PCDHGA1: variants seen among roughly 807,000 people sequenced by gnomAD.
The protein encoded by PCDHGA1 is protocadherin gamma subfamily A, 1.
A neutral mutation model predicts 58.0 loss-of-function variants in PCDHGA1; 32 were observed. That is an observed-to-expected ratio of 0.55 (90% CI 0.42 to 0.74). PCDHGA1 has a LOEUF of 0.74. Ranked by LOEUF, PCDHGA1 falls within the 30% of genes least tolerant of loss-of-function variation. The probability of loss-of-function intolerance (pLI) is 0.00; values close to 1 mark genes in which losing one functional copy is unlikely to be tolerated. For synonymous variants in PCDHGA1, 498 were observed against 501.1 expected (o/e 0.99, Z 0.08); for missense variants, 1,205 against 1,182.3 (o/e 1.02, Z -0.28).
At chr5:141,350,387 T>G in intron 1 of PCDHGA1, 1 of 1,596,080 alleles carries the variant, frequency 6.3e-7, no homozygotes. Flanking sequence ...AGCCAACGGC[T>G]CACGGGTGGG....
chr5:141,475,116 C>G (rs1383017919), intron 1 of PCDHGA1, among the ~76,000 whole-genome samples: 2 of 152,128 alleles, frequency 1.3e-5, no homozygotes, highest in African/African-American at 4.8e-5. Context: ...GTAAATAGGC[C>G]TGGCTTTTTT....
At position 141,485,685 on chromosome 5, in the gene PCDHGA1, G is replaced by A; in HGVS notation, c.2422-9122G>A. ...GGGAGCAATTCGATTAGCAGCTATA[G>A]GCTGAGCTCCAATGAACACTTTGCA... On this transcript the variant is annotated intron_variant, in intron 1 of 3. Coordinates refer to ENST00000517417, the MANE Select transcript of PCDHGA1 (RefSeq NM_018912.3). This position sits in a 1 kb window ranked among gnomAD's most constrained non-coding sequence, Gnocchi z 5.7. 1.2e-6 allele frequency: 2 copies of A among 1,614,052 alleles called. No homozygotes were observed. The highest frequency in any genetic ancestry group is 1.3e-5 in the African/African-American group (1 of 75,072).
intron 1 of PCDHGA1, chr5:141,357,117 G>C (rs539262647): frequency 6.2e-7 from 1 of 1,613,714 alleles, no homozygotes; most frequent in Non-Finnish European, 8.5e-7. Context: ...ACGCGCTCAA[G>C]CAGAGGCTTG....
Position 141,486,970 on chromosome 5 carries a change from T to G in PCDHGA1, c.2422-7837T>G, listed in dbSNP as rs754309905. 1 of 1,614,050 alleles carries G rather than the reference T, an allele frequency of 6.2e-7. No individual in the cohort carries two copies. Among genetic ancestry groups the G allele is most frequent in the African/African-American group, 1.3e-5 (1 of 74,904 alleles). ...CAAAGGTGACTGCTGTGGACTTGGATTCAGGTTACAATGCTTGGGTTTCCT... is the reference window on the plus strand; with the variant it reads ...CAAAGGTGACTGCTGTGGACTTGGAGTCAGGTTACAATGCTTGGGTTTCCT... On this transcript the variant is annotated intron_variant, in intron 1 of 3. Coordinates refer to ENST00000517417, the MANE Select transcript of PCDHGA1 (RefSeq NM_018912.3). This position sits in a 1 kb window ranked among gnomAD's most constrained non-coding sequence, Gnocchi z 5.0.
intron 1 of PCDHGA1, among the ~76,000 whole-genome samples, chr5:141,397,411 T>G (rs1464488353): frequency 6.6e-6 from 1 of 152,210 alleles, no homozygotes; most frequent in East Asian, 1.9e-4. Context: ...AAAATAGTTT[T>G]AAATAGTATA....
At chr5:141,410,006 G>A (rs1201569227) in intron 1 of PCDHGA1, 8 of 1,613,156 alleles carry the variant, frequency 5.0e-6, no homozygotes, top group Non-Finnish European at 5.9e-6. Context: ...GGGACACAAC[G>A]CCTGGCTGTC....
intron 1 of PCDHGA1, among the ~76,000 whole-genome samples, chr5:141,437,811 C>A (rs964885701): frequency 6.6e-6 from 1 of 150,864 alleles, no homozygotes; most frequent in African/African-American, 2.4e-5. Flanking sequence ...TATCTTGGCT[C>A]ACTGCAACCT....
At chr5:141,445,357 G>A (rs115045385) in intron 1 of PCDHGA1, among the ~76,000 whole-genome samples, 18 of 152,258 alleles carry the variant, frequency 1.2e-4, no homozygotes, top group Admixed American at 1.1e-3. Context: ...GTCTGCCCAA[G>A]TCTGGTCCTG....
chr5:141,430,629 C>A, intron 1 of PCDHGA1: 1 of 812,246 alleles, frequency 1.2e-6, no homozygotes. Context: ...AGGAATGAAC[C>A]ATCCCTGGGA....
chr5:141,351,626 CA>C, intron 1 of PCDHGA1: 1 of 1,614,070 alleles, frequency 6.2e-7, no homozygotes, highest in Non-Finnish European at 8.5e-7. Flanking sequence ...CTATGTGGTC[CA>C]CGTGTCTGAG....
At chr5:141,507,132 C>T (rs748716107) in intron 3 of PCDHGA1, 2 of 152,188 alleles carry the variant, frequency 1.3e-5, no homozygotes, top group African/African-American at 2.4e-5. Flanking sequence ...GATCCAGCCT[C>T]GGCTTCTCTA....
At position 141,372,407 on chromosome 5, in the gene PCDHGA1, A is replaced by G. The variant is rs1190545508; in HGVS notation, c.2421+39302A>G. 3.7e-6 allele frequency: 6 copies of G among 1,613,948 alleles called. No individual in the cohort carries two copies. In the Admixed American group the frequency reaches 6.7e-5, roughly 18 times the overall value. On this transcript the variant is annotated intron_variant, in intron 1 of 3. Coordinates refer to ENST00000517417, the MANE Select transcript of PCDHGA1 (RefSeq NM_018912.3). ...TCTTCGCAGATAGCTTGCAAGAGATACAACCTGACCTTAGCGACCGCCCCA... is the reference window on the plus strand; with the variant it reads ...TCTTCGCAGATAGCTTGCAAGAGATGCAACCTGACCTTAGCGACCGCCCCA...
At chr5:141,481,462 C>T (rs1395867714) in intron 1 of PCDHGA1, among the ~76,000 whole-genome samples, 1 of 152,162 alleles carries the variant, frequency 6.6e-6, no homozygotes. Flanking sequence ...ACACTGAAAA[C>T]CATTGGATTA....
intron 1 of PCDHGA1, chr5:141,345,674 G>C: frequency 6.2e-7 from 1 of 1,614,142 alleles, no homozygotes; most frequent in South Asian, 1.1e-5. Context: ...GCAACGTGTC[G>C]CTGAACCTGT....
Position 141,395,354 on chromosome 5 carries a change from T to A in PCDHGA1, c.2421+62249T>A, listed in dbSNP as rs375237289. ...ATAATTTTTAAGGTGTATCACAGAG[T>A]TTTGGGTTTATTTTGGTGGTGTTAC... On this transcript the variant is annotated intron_variant, in intron 1 of 3. Coordinates refer to ENST00000517417, the MANE Select transcript of PCDHGA1 (RefSeq NM_018912.3). 28 of 1,357,052 alleles carry A rather than the reference T, an allele frequency of 2.1e-5. No homozygotes were observed. The Middle Eastern group carries it at 1.0e-3, about 51-fold the overall frequency. 84.1% of individuals were successfully genotyped at this position (1,357,052 alleles called of 1,614,324 possible).
chr5:141,460,938 A>G (rs532872249), intron 1 of PCDHGA1, among the ~76,000 whole-genome samples: 38 of 149,918 alleles, frequency 2.5e-4, no homozygotes, highest in African/African-American at 9.1e-4. Context: ...GTGTGTGTAT[A>G]TATATGTATT....
At chr5:141,339,805 A>G (rs200504537) in intron 1 of PCDHGA1, 2 of 1,614,244 alleles carry the variant, frequency 1.2e-6, no homozygotes, top group Non-Finnish European at 1.7e-6. Context: ...CTCAAGTGGT[A>G]TATTTTCTAG....
rs1001717368 is a variant in PCDHGA1 at position 141,405,559 on chromosome 5, G to A, written c.2421+72454G>A. ...CTCAGCCTCCCAAGTAGAGTAGCTG[G>A]GACTAGAGTAGAGTAGCTGGGACTA... On this transcript the variant is annotated intron_variant, in intron 1 of 3. Transcript: ENST00000517417. 1.8e-5 allele frequency: 11 copies of A among 614,566 alleles called. No individual in the cohort carries two copies. In the Admixed American group the frequency reaches 2.9e-4, roughly 16 times the overall value. The allele number at this position is 614,566 out of a possible 1,614,324, so 38.1% of individuals were successfully genotyped here.
chr5:141,379,773 T>C (rs575153200), intron 1 of PCDHGA1: 2 of 152,144 alleles, frequency 1.3e-5, no homozygotes, highest in South Asian at 2.1e-4. Flanking sequence ...ATACAGATCA[T>C]TAATAATAAG....
Sources: gnomAD v4.1 joint callset for allele counts (sites outside exome capture counted in the v4.1 genomes callset) on GRCh38, gnomAD v4.1.1 for gene constraint, Gnocchi (gnomAD v3.1) non-coding constraint, MANE v1.5 for transcripts, NCBI Gene and HGNC (gene_info 2026-07-23, HGNC 2026-07-21) for gene names.